The following DNAH9 variants were observed in gnomAD, a reference collection of about 807,000 sequenced individuals.
The protein encoded by DNAH9 is DNAH9 variant protein.
A neutral mutation model predicts 471.6 loss-of-function variants in DNAH9; 345 were observed. That is an observed-to-expected ratio of 0.73 (90% CI 0.67 to 0.80). The LOEUF (loss-of-function observed/expected upper bound fraction) is 0.80. Ranked by LOEUF, DNAH9 falls within the 30% of genes least tolerant of loss-of-function variation. The pLI is 0.00. For synonymous variants in DNAH9, 2,093 were observed against 2,123.6 expected (o/e 0.99, Z 0.40); for missense variants, 5,407 against 5,609.2 (o/e 0.96, Z 1.15).
At chr17:11,599,634 A>G (rs1304322343) in intron 1 of DNAH9, among the ~76,000 whole-genome samples, 1 of 152,160 alleles carries the variant, frequency 6.6e-6, no homozygotes, top group African/African-American at 2.4e-5. Flanking sequence ...CCACAGCAGA[A>G]GCTTCGAGAA....
chr17:11,602,658 T>C (rs769017804), intron 1 of DNAH9, among the ~76,000 whole-genome samples: 46 of 152,316 alleles, frequency 3.0e-4, no homozygotes, highest in Admixed American at 5.9e-4. Context: ...ACTTCTAATA[T>C]GTGGTTATTT....
At chr17:11,909,028 C>A (rs1174583754) in intron 61 of DNAH9, among the ~76,000 whole-genome samples, 1 of 152,182 alleles carries the variant, frequency 6.6e-6, no homozygotes, top group Admixed American at 6.5e-5. Context: ...AAGATGGAGT[C>A]TTTTGCTAAG....
intron 68 of DNAH9, among the ~76,000 whole-genome samples, chr17:11,963,185 A>C (rs908814166): frequency 4.6e-5 from 7 of 152,182 alleles, no homozygotes; most frequent in African/African-American, 1.4e-4. Context: ...CTGTAATCCC[A>C]GCACTTTGGG....
intron 26 of DNAH9, among the ~76,000 whole-genome samples, chr17:11,707,076 G>A (rs12949393): frequency 0.54 from 81,525 of 152,042 alleles, 23,770 homozygotes; most frequent in Admixed American, 0.68. Context: ...CAGAACAATA[G>A]GTCATGATGC....
rs2072911576 is a variant in DNAH9, at chr17:11,623,357, T to C, written c.1350+3576T>C. ...TTTTCACTTGGTCCCCCTTTCACTTTGTTCTCCTTCTCTATTTTCTAACTT... is the reference window on the plus strand; with the variant it reads ...TTTTCACTTGGTCCCCCTTTCACTTCGTTCTCCTTCTCTATTTTCTAACTT... On this transcript the variant is annotated intron_variant, in intron 6 of 68. Transcript: ENST00000262442. This position sits in a 1 kb window ranked among gnomAD's most constrained non-coding sequence, Gnocchi z 4.1. Among the ~76,000 whole-genome samples, 1 of 152,116 alleles carries C rather than the reference T, an allele frequency of 6.6e-6. No homozygotes were observed.
intron 31 of DNAH9, 40 bp from the exon 32 acceptor site, chr17:11,747,516 C>T (rs751590022): frequency 6.4e-7 from 1 of 1,559,634 alleles, no homozygotes; most frequent in Non-Finnish European, 8.8e-7. Context: ...GCAGGTGAGT[C>T]ACAGGCTGGT....
intron 20 of DNAH9, among the ~76,000 whole-genome samples, chr17:11,691,978 A>C (rs902093054): frequency 6.6e-6 from 1 of 151,868 alleles, no homozygotes; most frequent in African/African-American, 2.4e-5. Context: ...TAATTTTTGT[A>C]TTTTTAGTAG....
intron 57 of DNAH9, among the ~76,000 whole-genome samples, chr17:11,887,797 C>T (rs1329291440): frequency 1.3e-5 from 2 of 151,892 alleles, no homozygotes; most frequent in East Asian, 3.9e-4. Context: ...CTGTGGAGTG[C>T]TTTCAGCTAA....
chr17:11,883,467 C>T, intron 55 of DNAH9, 119 bp from the exon 56 acceptor site: 1 of 1,304,952 alleles, frequency 7.7e-7, no homozygotes. Context: ...AAGCTCTTTG[C>T]CATTCTGCCT....
chr17:11,945,116 T>C (rs1380765738), intron 67 of DNAH9, among the ~76,000 whole-genome samples: 2 of 152,188 alleles, frequency 1.3e-5, no homozygotes, highest in Admixed American at 1.3e-4. Flanking sequence ...GCGAGGAATG[T>C]CAGCTCCGAG....
intron 41 of DNAH9, among the ~76,000 whole-genome samples, chr17:11,790,110 C>T (rs915208459): frequency 5.1e-5 from 5 of 97,498 alleles, no homozygotes; most frequent in South Asian, 5.2e-4. Context: ...AAGATATAAT[C>T]GATGTGCAGG....
At chr17:11,615,223 T>TA (rs1165341371) in intron 4 of DNAH9, among the ~76,000 whole-genome samples, 4 of 152,212 alleles carry the variant, frequency 2.6e-5, no homozygotes, top group Admixed American at 1.3e-4. Context: ...AGCCTGTTGT[T>TA]AAAGACTTTC....
chr17:11,650,708 G>A (rs935337968), intron 12 of DNAH9, among the ~76,000 whole-genome samples: 3 of 152,148 alleles, frequency 2.0e-5, no homozygotes, highest in Non-Finnish European at 4.4e-5. Flanking sequence ...TCCTCCTTTA[G>A]GCCACCACCC....
At chr17:11,619,847 A>G in intron 6 of DNAH9, 66 bp downstream of exon 6, 1 of 897,168 alleles carries the variant, frequency 1.1e-6, no homozygotes, top group South Asian at 1.4e-5. Context: ...GGGTCCAAAA[A>G]GTGGAATAGG....
intron 59 of DNAH9, among the ~76,000 whole-genome samples, chr17:11,894,802 T>A (rs576909698): frequency 4.6e-5 from 7 of 152,280 alleles, no homozygotes; most frequent in Admixed American, 1.3e-4. Context: ...GGCTGGGACA[T>A]GGCCTCCTCA....
chr17:11,726,378 C>G (rs1302826914), intron 27 of DNAH9, among the ~76,000 whole-genome samples: 4 of 152,128 alleles, frequency 2.6e-5, no homozygotes, highest in African/African-American at 4.8e-5. Context: ...TTCTCAGGGC[C>G]CTTAAACGCT....
At chr17:11,885,852 G>A (rs558629337) in intron 56 of DNAH9, among the ~76,000 whole-genome samples, 14 of 152,252 alleles carry the variant, frequency 9.2e-5, no homozygotes, top group Middle Eastern at 3.4e-3. Context: ...TTTATTATGA[G>A]AACATCTTCA....
intron 49 of DNAH9, among the ~76,000 whole-genome samples, chr17:11,845,575 C>T (rs1322789111): frequency 1.4e-5 from 2 of 145,524 alleles, no homozygotes; most frequent in African/African-American, 2.6e-5. Context: ...CCTGAGGAAT[C>T]GCCACACTGA....
At position 11,783,532 on chromosome 17, in the gene DNAH9, CT is replaced by C. The variant is rs879919153; in HGVS notation, c.7719-108del. On this transcript the variant is annotated intron_variant, in intron 39 of 68. Transcript: ENST00000262442. The stretch of plus-strand genomic sequence containing the variant: ...CTCAATCCCTGCCGGTGGATCTAGA[CT>C]TTTTTATCACCCAAACACATGAACA... 3.7e-4 allele frequency: 254 copies of C among 695,304 alleles called. 2 individuals are homozygous for C. The Admixed American group carries it at 5.6e-3, about 15-fold the overall frequency. 43.1% of individuals were successfully genotyped at this position (695,304 alleles called of 1,614,324 possible). A position where few individuals can be genotyped will look rare whatever the true frequency, so the allele number is the denominator to read the frequency against.
Sources: allele counts gnomAD v4.1 joint callset (sites outside exome capture counted in the v4.1 genomes callset), GRCh38; gene constraint gnomAD v4.1.1; non-coding constraint Gnocchi (gnomAD v3.1); transcripts MANE v1.5; gene names NCBI Gene and HGNC (gene_info 2026-07-23, HGNC 2026-07-21).